HORMAD2: variants seen among roughly 807,000 people sequenced by gnomAD.
HORMAD2 encodes HORMA domain-containing protein 2.
Under a neutral mutation model 38.8 loss-of-function variants are expected in HORMAD2, and 45 were observed. The observed-to-expected ratio is 1.16, with a 90% CI of 0.91 to 1.49. The LOEUF is 1.49. Among genes scored for constraint, HORMAD2 ranks in the 40% most tolerant of loss-of-function variants. The pLI is 0.00. For missense variants in HORMAD2, 338 were observed against 367.0 expected, an observed-to-expected ratio of 0.92 and a Z score of 0.65; for synonymous variants, 126 against 122.8, an observed-to-expected ratio of 1.03 and a Z score of -0.17.
At chr22:30,145,666 A>C (rs1393165452) in intron 10 of HORMAD2, among the ~76,000 whole-genome samples, 1 of 152,180 alleles carries the variant, frequency 6.6e-6, no homozygotes, top group Non-Finnish European at 1.5e-5. Context: ...TGAAAAAACA[A>C]AATGAAAAGA....
chr22:30,112,837 A>G (rs1430787455), intron 7 of HORMAD2, among the ~76,000 whole-genome samples: 1 of 152,118 alleles, frequency 6.6e-6, no homozygotes, highest in Non-Finnish European at 1.5e-5. Context: ...TTTTAAATTT[A>G]ATTTTTATGA....
intron 1 of HORMAD2, among the ~76,000 whole-genome samples, chr22:30,084,911 C>T (rs929161279): frequency 3.4e-4 from 51 of 151,896 alleles, no homozygotes; most frequent in South Asian, 4.1e-4. Flanking sequence ...TTTGGGAGGC[C>T]GAGGCGGGCG....
chr22:30,105,592 C>T (rs1281153965), intron 5 of HORMAD2, among the ~76,000 whole-genome samples: 1 of 152,166 alleles, frequency 6.6e-6, no homozygotes, highest in Non-Finnish European at 1.5e-5. Flanking sequence ...ATTTCCACTG[C>T]ACATTTGTTA....
chr22:30,198,867 T>C, the HORMAD2 span, among the ~76,000 whole-genome samples: 1 of 152,134 alleles, frequency 6.6e-6, no homozygotes, highest in African/African-American at 2.4e-5. Flanking sequence ...TGTAATGAGG[T>C]GAGAGAAAAC....
chr22:30,118,300 C>T (rs934567292), intron 7 of HORMAD2, among the ~76,000 whole-genome samples: 1 of 152,074 alleles, frequency 6.6e-6, no homozygotes. Context: ...CATCCCTCCC[C>T]ACTTCAGAGC....
intron 10 of HORMAD2, among the ~76,000 whole-genome samples, chr22:30,158,263 A>T (rs1006628924): frequency 1.3e-5 from 2 of 152,118 alleles, no homozygotes; most frequent in African/African-American, 2.4e-5. Context: ...AAAGTAAAAA[A>T]AAAACAAAAA....
chr22:30,167,004 T>C (rs1321026931), intron 10 of HORMAD2, among the ~76,000 whole-genome samples: 1 of 152,188 alleles, frequency 6.6e-6, no homozygotes, highest in Admixed American at 6.5e-5. Context: ...ATGTATTCTC[T>C]CACAATTCTG....
chr22:30,202,597 C>T, the HORMAD2 span, among the ~76,000 whole-genome samples: 2 of 152,152 alleles, frequency 1.3e-5, no homozygotes, highest in African/African-American at 4.8e-5. Flanking sequence ...CTTCCCATTA[C>T]AGCCTTCTCA....
the HORMAD2 span, among the ~76,000 whole-genome samples, chr22:30,187,955 C>T: frequency 6.6e-6 from 1 of 152,104 alleles, no homozygotes; most frequent in Admixed American, 6.5e-5. Flanking sequence ...GGCTAGTCAA[C>T]AGGAAACCCA....
rs548327530 is a variant in HORMAD2, at chr22:30,102,792, A to G, written c.194-645A>G. 3.3e-5 allele frequency among the ~76,000 whole-genome samples: 5 copies of G among 152,010 alleles called. No homozygotes were observed. The South Asian group carries it at 1.0e-3, about 32-fold the overall frequency. On this transcript the variant is annotated intron_variant, in intron 3 of 10. Transcript: ENST00000336726. ...AGGCATGTGCCACTATGCCCAGATA[A>G]TTTTTTTAATTATTTTTTTTAGAGG... is the stretch of plus-strand genomic sequence containing the variant.
the HORMAD2 span, among the ~76,000 whole-genome samples, chr22:30,200,197 G>A: frequency 2.5e-3 from 381 of 151,878 alleles, 1 homozygote; most frequent in African/African-American, 8.6e-3. Flanking sequence ...GATTATAGGC[G>A]TCAGCCACCA....
intron 1 of HORMAD2, among the ~76,000 whole-genome samples, chr22:30,088,687 T>A (rs1025739996): frequency 6.6e-6 from 1 of 151,376 alleles, no homozygotes; most frequent in African/African-American, 2.4e-5. Context: ...AATTTAAAAA[T>A]TAATTTAAAA....
chr22:30,171,112 AAATGTTAGATTTCTTTAGGCTAT>A (rs1378544290), intron 10 of HORMAD2, among the ~76,000 whole-genome samples: 2 of 151,976 alleles, frequency 1.3e-5, no homozygotes, highest in Non-Finnish European at 2.9e-5. Context: ...ACTAATCTCT[AAATGTTAGATTTCTTTAGGCTAT>A]GTCCTGATCC....
At chr22:30,100,884 T>C (rs1920938567) in intron 3 of HORMAD2, among the ~76,000 whole-genome samples, 1 of 152,170 alleles carries the variant, frequency 6.6e-6, no homozygotes, top group Admixed American at 6.5e-5. Flanking sequence ...CACAATGAGA[T>C]ACCATCTCAT....
intron 10 of HORMAD2, among the ~76,000 whole-genome samples, chr22:30,164,387 A>G (rs1169047741): frequency 2.0e-5 from 3 of 152,172 alleles, no homozygotes; most frequent in African/African-American, 7.2e-5. Flanking sequence ...TATTTTCCAT[A>G]GCAGCTGCAC....
chr22:30,207,129 G>A, the HORMAD2 span: 11,231 of 470,218 alleles, frequency 0.024, 334 homozygotes, highest in South Asian at 0.079. Context: ...CGGGAATGCA[G>A]AGAATGTGGC....
chr22:30,116,029 A>G (rs752993518), intron 7 of HORMAD2, among the ~76,000 whole-genome samples: 2 of 152,224 alleles, frequency 1.3e-5, no homozygotes, highest in African/African-American at 4.8e-5. Flanking sequence ...ACTAATGTCT[A>G]CTTCAGAGTG....
chr22:30,119,755 G>A (rs1461823120), intron 8 of HORMAD2, among the ~76,000 whole-genome samples: 4 of 152,098 alleles, frequency 2.6e-5, no homozygotes, highest in African/African-American at 9.7e-5. Context: ...AAGGGGGATG[G>A]ATGCCCTTGA....
At chr22:30,154,933 G>A (rs557346439) in intron 10 of HORMAD2, among the ~76,000 whole-genome samples, 6 of 152,214 alleles carry the variant, frequency 3.9e-5, no homozygotes, top group Admixed American at 2.6e-4. Flanking sequence ...AGCTGGGTGT[G>A]GTGGCACGTG....
Sources: gnomAD v4.1 joint callset for allele counts (sites outside exome capture counted in the v4.1 genomes callset) on GRCh38, gnomAD v4.1.1 for gene constraint, MANE v1.5 for transcripts, NCBI Gene and HGNC (gene_info 2026-07-23, HGNC 2026-07-21) for gene names.